Variants in NKAIN3 observed in about 807,000 individuals in gnomAD.
The protein encoded by NKAIN3 is sodium/potassium transporting ATPase interacting 3.
NKAIN3 carries 25 observed loss-of-function variants against 30.2 expected under a neutral mutation model. That is an observed-to-expected ratio of 0.83 (90% CI 0.60 to 1.16). The LOEUF (loss-of-function observed/expected upper bound fraction) is 1.16, where lower values mean the gene tolerates loss of function less well. Ranked by LOEUF, NKAIN3 falls within the 50% of genes most tolerant of loss-of-function variation. The pLI, the probability that NKAIN3 is intolerant of heterozygous loss-of-function variation, is 0.00. For synonymous variants in NKAIN3, 91 were observed against 89.6 expected (o/e 1.02, Z -0.09); for missense variants, 225 against 254.1 (o/e 0.89, Z 0.78).
chr8:62,903,802 C>G (rs181897931), intron 4 of NKAIN3, among the ~76,000 whole-genome samples: 2 of 152,194 alleles, frequency 1.3e-5, no homozygotes, highest in African/African-American at 4.8e-5. Flanking sequence ...CAGAAGGCAC[C>G]TTTTCACAGG....
intron 1 of NKAIN3, among the ~76,000 whole-genome samples, chr8:62,565,671 C>A (rs528316551): frequency 1.3e-5 from 2 of 152,170 alleles, no homozygotes; most frequent in Admixed American, 6.6e-5. Flanking sequence ...TTTGGTGAAA[C>A]TAAAATTGAA....
rs115731611 is a variant in NKAIN3, at chr8:62,595,151, T to G, written c.273+5357T>G. Among the ~76,000 whole-genome samples the G allele has an allele frequency of 2.6e-3, 395 of 152,066 alleles. 2 individuals are homozygous for G. Among genetic ancestry groups the G allele is most frequent in the African/African-American group, 9.2e-3 (383 of 41,510 alleles). On this transcript the variant is annotated intron_variant, in intron 3 of 6. Coordinates refer to ENST00000623646, the MANE Select transcript of NKAIN3 (RefSeq NM_001304533.3). ...TTGGACTTAATGAAAAACATTTTTA[T>G]GTTGTTACTAAAGTCATGGTTAATA...
chr8:62,853,151 A>T (rs1231103577), intron 4 of NKAIN3, among the ~76,000 whole-genome samples: 1 of 152,140 alleles, frequency 6.6e-6, no homozygotes, highest in African/African-American at 2.4e-5. Flanking sequence ...TATTTGGTGC[A>T]TATATATGTA....
At chr8:62,902,603 T>C (rs908175956) in intron 4 of NKAIN3, among the ~76,000 whole-genome samples, 21 of 152,222 alleles carry the variant, frequency 1.4e-4, no homozygotes, top group Admixed American at 5.2e-4. Context: ...AACCACTCTC[T>C]ATCCTCAAAA....
chr8:62,654,457 G>A lies in NKAIN3; in HGVS notation c.273+64663G>A, dbSNP rs553379815. Among the ~76,000 whole-genome samples the A allele has an allele frequency of 2.8e-4, 43 of 152,128 alleles. No individual in the cohort carries two copies. In the South Asian group the frequency reaches 5.0e-3, roughly 18 times the overall value. Reference sequence around the variant, plus strand: ...CAATGGCTTAAACAAATCCACTGTCGGCACATCACTGTGAAATTTCAGAGC... The same window carrying A: ...CAATGGCTTAAACAAATCCACTGTCAGCACATCACTGTGAAATTTCAGAGC... On this transcript the variant is annotated intron_variant, in intron 3 of 6. Coordinates refer to ENST00000623646, the MANE Select transcript of NKAIN3 (RefSeq NM_001304533.3).
At chr8:62,752,533 A>G (rs115211559) in intron 4 of NKAIN3, among the ~76,000 whole-genome samples, 1,550 of 152,290 alleles carry the variant, frequency 0.01, 26 homozygotes, top group African/African-American at 0.034. Context: ...GTTTCCCAGA[A>G]TTCTTTCCTA....
chr8:62,823,051 T>A (rs1818899229), intron 4 of NKAIN3, among the ~76,000 whole-genome samples: 1 of 152,154 alleles, frequency 6.6e-6, no homozygotes, highest in Non-Finnish European at 1.5e-5. Flanking sequence ...GCACTTAGCA[T>A]GAGTGGAGCA....
chr8:62,587,453 A>G (rs915054527), intron 2 of NKAIN3, among the ~76,000 whole-genome samples: 1 of 152,040 alleles, frequency 6.6e-6, no homozygotes, highest in African/African-American at 2.4e-5. Context: ...TAGAACATAT[A>G]TGAATAAAAA....
At chr8:62,623,433 A>G (rs532445011) in intron 3 of NKAIN3, among the ~76,000 whole-genome samples, 1 of 152,076 alleles carries the variant, frequency 6.6e-6, no homozygotes, top group Non-Finnish European at 1.5e-5. Flanking sequence ...CCATCCTTAT[A>G]CCATTGCTGT....
chr8:62,348,425 A>G (rs1002223626), intron 1 of NKAIN3, among the ~76,000 whole-genome samples: 1 of 152,248 alleles, frequency 6.6e-6, no homozygotes, highest in African/African-American at 2.4e-5. Context: ...AAAGACAGAC[A>G]AGATGATATA....
chr8:62,392,164 A>G (rs575947014), intron 1 of NKAIN3, among the ~76,000 whole-genome samples: 2 of 152,158 alleles, frequency 1.3e-5, no homozygotes, highest in African/African-American at 4.8e-5. Context: ...TGTATAGGAA[A>G]ACTCCATGCT....
chr8:62,345,576 T>C (rs1179284629), intron 1 of NKAIN3, among the ~76,000 whole-genome samples: 1 of 146,492 alleles, frequency 6.8e-6, no homozygotes, highest in Non-Finnish European at 1.5e-5. Context: ...TATATACACA[T>C]ATATGTATAT....
At chr8:62,449,040 A>G (rs948026557) in intron 1 of NKAIN3, among the ~76,000 whole-genome samples, 2 of 152,014 alleles carry the variant, frequency 1.3e-5, no homozygotes, top group South Asian at 2.1e-4. Flanking sequence ...AAGATTTACT[A>G]TGAGAAAAAG....
At chr8:62,675,766 C>A (rs913077146) in intron 3 of NKAIN3, among the ~76,000 whole-genome samples, 1 of 152,172 alleles carries the variant, frequency 6.6e-6, no homozygotes, top group African/African-American at 2.4e-5. Flanking sequence ...CTTATAAAAG[C>A]AGGTGGACAT....
In NKAIN3 at chr8:62,980,092, C is replaced by A. The variant is rs1262142918; in HGVS notation, c.*14685C>A. ...GACAGAACAGCTCAGTCCTGGCTGCCACCTTCTTTCTTTACTCTTGGTTTA... is the reference window on the plus strand; with the variant it reads ...GACAGAACAGCTCAGTCCTGGCTGCAACCTTCTTTCTTTACTCTTGGTTTA... On this transcript the variant is annotated 3_prime_UTR_variant, in exon 7 of 7. Coordinates refer to ENST00000623646, the MANE Select transcript of NKAIN3 (RefSeq NM_001304533.3). 6.6e-6 allele frequency: 1 copy of A among 152,208 alleles called. No individual in the cohort carries two copies. Among genetic ancestry groups the A allele is most frequent in the Non-Finnish European group, 1.5e-5 (1 of 68,054 alleles). The allele number at this position is 152,208 out of a possible 1,614,324, so 9.4% of individuals were successfully genotyped here.
chr8:62,965,249 T>G, intron 6 of NKAIN3, 105 bp from the exon 7 acceptor site: 1 of 960,322 alleles, frequency 1.0e-6, no homozygotes, highest in Non-Finnish European at 1.2e-6. Context: ...CAGCACCAGG[T>G]GCACCCAGGA....
At chr8:62,713,993 A>G (rs890733566) in intron 3 of NKAIN3, among the ~76,000 whole-genome samples, 1 of 152,174 alleles carries the variant, frequency 6.6e-6, no homozygotes, top group South Asian at 2.1e-4. Flanking sequence ...TTCCTTAAGG[A>G]TGTAACATTA....
chr8:62,576,953 G>T (rs2130046670), intron 1 of NKAIN3, among the ~76,000 whole-genome samples: 1 of 152,230 alleles, frequency 6.6e-6, no homozygotes, highest in South Asian at 2.1e-4. Flanking sequence ...CATTTAGAGA[G>T]AAAATATTAG....
chr8:62,591,220 G>A (rs1028318836), intron 3 of NKAIN3, among the ~76,000 whole-genome samples: 13 of 151,814 alleles, frequency 8.6e-5, no homozygotes, highest in African/African-American at 3.1e-4. Context: ...TTAGACCAGA[G>A]AAATTTGTCC....
Sources: allele counts gnomAD v4.1 joint callset (sites outside exome capture counted in the v4.1 genomes callset), GRCh38; gene constraint gnomAD v4.1.1; transcripts MANE v1.5; gene names NCBI Gene and HGNC (gene_info 2026-07-23, HGNC 2026-07-21).